Variants in EXOSC9 observed in about 807,000 individuals in gnomAD.
The protein encoded by EXOSC9 is exosome complex component RRP45.
A neutral mutation model predicts 56.5 loss-of-function variants in EXOSC9; 38 were observed. The ratio of observed to expected loss-of-function variants is 0.67; its 90% CI spans 0.52 to 0.88. The LOEUF is 0.88. Among genes scored for constraint, EXOSC9 ranks in the 40% least tolerant of loss-of-function variants. The pLI is 0.00. For missense variants in EXOSC9, 559 were observed against 530.5 expected (o/e 1.05, Z -0.53); for synonymous variants, 170 against 170.8 (o/e 0.99, Z 0.04).
At chr4:121,811,166 T>C (rs151016942) in intron 7 of EXOSC9, among the ~76,000 whole-genome samples, 3 of 152,324 alleles carry the variant, frequency 2.0e-5, no homozygotes, top group African/African-American at 7.2e-5. Context: ...CACCTTGTTG[T>C]TATAAGGATA....
At chr4:121,816,332 C>CTTAACT (rs374211104) in intron 10 of EXOSC9, 37 bp from the exon 11 acceptor site, 1 of 888,564 alleles carries the variant, frequency 1.1e-6, no homozygotes, top group Non-Finnish European at 1.6e-6. Context: ...GATTGCTTAA[C>CTTAACT]TTTTTTTTTT....
chr4:121,814,012 A>C lies in EXOSC9; in HGVS notation c.1121A>C (p.Asp374Ala). ...ATCATTCTTGATGGTATAAAAATGG[A>C]CACTGGAGTAGAAGTCTCTGATATT... ...QAIILDGIKM[D>A]TGVEVSDIGS... The change falls in exon 10 of 12, where the codon GAC becomes GCC. Residue 374 changes from aspartate to alanine, a missense_variant. By Grantham distance (126) the Asp-to-Ala change is moderately radical. Coordinates refer to ENST00000243498, the MANE Select transcript of EXOSC9 (RefSeq NM_005033.3). The C allele has an allele frequency of 6.2e-7, 1 of 1,613,764 alleles. No individual in the cohort carries two copies. The highest frequency in any genetic ancestry group is 8.5e-7 in the Non-Finnish European group (1 of 1,179,800).
At chr4:121,805,534 C>T (rs1274874430) in intron 5 of EXOSC9, among the ~76,000 whole-genome samples, 7 of 152,050 alleles carry the variant, frequency 4.6e-5, no homozygotes, top group Admixed American at 4.6e-4. Flanking sequence ...TAGACTGAAG[C>T]AGAACCATTA....
At chr4:121,804,417 G>T in intron 4 of EXOSC9, 5 of 412,134 alleles carry the variant, frequency 1.2e-5, no homozygotes, top group East Asian at 1.1e-4. Flanking sequence ...TTTAAAGTAT[G>T]TGTTCTGTTG....
At chr4:121,814,973 G>T (rs1724436480) in intron 10 of EXOSC9, 1 of 152,194 alleles carries the variant, frequency 6.6e-6, no homozygotes, top group Non-Finnish European at 1.5e-5. Context: ...AAAATTGAAG[G>T]TGATGTGTTT....
At chr4:121,814,832 AGTT>A (rs1724428180) in intron 10 of EXOSC9, 2 of 152,182 alleles carry the variant, frequency 1.3e-5, no homozygotes, top group Admixed American at 1.3e-4. Context: ...ATAGAACTGA[AGTT>A]GTTATGTATG....
rs1231131839 is a variant in EXOSC9 at position 121,803,027 on chromosome 4, A to G, written c.384+10A>G. 6.4e-7 allele frequency: 1 copy of G among 1,550,650 alleles called. No individual in the cohort carries two copies. The highest frequency in any genetic ancestry group is 1.4e-5 in the African/African-American group (1 of 73,546). On this transcript the variant is annotated intron_variant, in intron 4 of 11. Transcript: ENST00000243498. ...TGTTGCTGGTGAAAAGGTGGGGAAT[A>G]TGCCCATAATTCTTAATCTTAGGAT...
At chr4:121,816,634 A>G in intron 11 of EXOSC9, 138 bp from the exon 12 acceptor site, 1 of 923,880 alleles carries the variant, frequency 1.1e-6, no homozygotes, top group Non-Finnish European at 1.6e-6. Flanking sequence ...TAAATCTATA[A>G]TATAAACTTC....
rs1726878494 is a variant in EXOSC9 at position 121,801,890 on chromosome 4, G to C, written c.130G>C (p.Gly44Arg). The change falls in exon 2 of 12, where the codon GGA becomes CGA. Residue 44 changes from glycine (G) to arginine (R), a missense_variant. By Grantham distance (125) the Gly-to-Arg change is moderately radical. Coordinates refer to ENST00000243498, the MANE Select transcript of EXOSC9 (RefSeq NM_005033.3). ...CAGGATCTCATTTGGAACAGATTAC[G>C]GATGCTGCATTGTGGAACTTGGAAA... ...NIRISFGTDYGCCIVELGKTR... is the reference protein window; with the variant it reads ...NIRISFGTDYRCCIVELGKTR... 3 of 1,613,506 alleles carry C rather than the reference G, an allele frequency of 1.9e-6. No individual in the cohort carries two copies. The highest frequency in any genetic ancestry group is 2.5e-6 in the Non-Finnish European group (3 of 1,179,576).
chr4:121,813,168 C>T lies in EXOSC9; in HGVS notation c.828-66C>T, dbSNP rs1011706281. On this transcript the variant is annotated intron_variant, in intron 8 of 11. Coordinates refer to ENST00000243498, the MANE Select transcript of EXOSC9 (RefSeq NM_005033.3). ...ATAAAATAATAGTTTTTTTCCCTTC[C>T]TGTCTTCTATCCAATCTGTTACCTT... is the stretch of plus-strand genomic sequence containing the variant. The T allele has an allele frequency of 3.5e-6, 5 of 1,425,332 alleles. No homozygotes were observed. The African/African-American group carries it at 4.3e-5, about 12-fold the overall frequency. The allele number at this position is 1,425,332 out of a possible 1,614,324, so 88.3% of individuals were successfully genotyped here. A position where few individuals can be genotyped will look rare whatever the true frequency, so the allele number is the denominator to read the frequency against.
intron 5 of EXOSC9, among the ~76,000 whole-genome samples, chr4:121,805,971 A>G (rs1727010259): frequency 1.3e-5 from 2 of 151,612 alleles, no homozygotes; most frequent in Non-Finnish European, 2.9e-5. Flanking sequence ...CACTTGACTA[A>G]TTTTTGTATT....
At chr4:121,808,586 T>C (rs1370561850) in intron 6 of EXOSC9, among the ~76,000 whole-genome samples, 1 of 152,092 alleles carries the variant, frequency 6.6e-6, no homozygotes, top group Non-Finnish European at 1.5e-5. Context: ...GGTCTGGAAC[T>C]CCTGAGTTCA....
Position 121,813,942 on chromosome 4 carries a change from GA to G in EXOSC9, c.1053del (p.Asp352ThrfsTer20). ...EGVENSWGDLEDSEKEDDEGG... is the reference protein window; with the variant it reads ...EGVENSWGDLXDSEKEDDEGG... Reference sequence around the variant, plus strand: ...AGTAGAAAACTCCTGGGGTGATCTTGAAGACTCTGAGAAGGAAGATGATGAA... The same window carrying G: ...AGTAGAAAACTCCTGGGGTGATCTTGAGACTCTGAGAAGGAAGATGATGAA... On this transcript the variant is annotated frameshift_variant, in exon 10 of 12. Coordinates refer to ENST00000243498, the MANE Select transcript of EXOSC9 (RefSeq NM_005033.3). LOFTEE classifies it high-confidence loss of function. 1 of 1,613,652 alleles carries G rather than the reference GA, an allele frequency of 6.2e-7. No homozygotes were observed. Among genetic ancestry groups the G allele is most frequent in the Non-Finnish European group, 8.5e-7 (1 of 1,179,652 alleles).
rs1727068745 is a variant in EXOSC9 at position 121,807,808 on chromosome 4, T to C, written c.605+186T>C. On this transcript the variant is annotated intron_variant, in intron 6 of 11. Transcript: ENST00000243498. Reference sequence around the variant, plus strand: ...TTTCTCAGTAGAAGTAACAAAACTCTTATACTTTGATGAAGATACTTCCCA... The same window carrying C: ...TTTCTCAGTAGAAGTAACAAAACTCCTATACTTTGATGAAGATACTTCCCA... 5.0e-6 allele frequency: 3 copies of C among 598,750 alleles called. No individual in the cohort carries two copies. The South Asian group carries it at 6.3e-5, about 13-fold the overall frequency. The allele number at this position is 598,750 out of a possible 1,614,324, so 37.1% of individuals were successfully genotyped here.
At chr4:121,803,280 T>C (rs2149034147) in intron 4 of EXOSC9, among the ~76,000 whole-genome samples, 1 of 152,120 alleles carries the variant, frequency 6.6e-6, no homozygotes, top group South Asian at 2.1e-4. Flanking sequence ...AGGGTGAAAA[T>C]AGCAACTTAG....
rs1178588605 is a variant in EXOSC9, at chr4:121,802,760, C to G, written c.248C>G (p.Ser83Cys). Residue 83 changes from serine to cysteine, a missense_variant, in exon 3 of 12, where the codon TCT becomes TGT. Transcript: ENST00000243498. ...EGILFFNLELSQMAAPAFEPG... is the reference protein window; with the variant it reads ...EGILFFNLELCQMAAPAFEPG... Reference sequence around the variant, plus strand: ...ATTCTTTTTTTTAACCTTGAACTCTCTCAGATGGCCGCTCCAGCTTTCGAA... The same window carrying G: ...ATTCTTTTTTTTAACCTTGAACTCTGTCAGATGGCCGCTCCAGCTTTCGAA... The G allele has an allele frequency of 2.6e-5, 42 of 1,614,014 alleles. No homozygotes were observed. Among genetic ancestry groups the G allele is most frequent in the Non-Finnish European group, 3.5e-5 (41 of 1,180,020 alleles).
chr4:121,815,987 T>G (rs1469979877), intron 10 of EXOSC9: 1 of 1,237,720 alleles, frequency 8.1e-7, no homozygotes, highest in Non-Finnish European at 1.0e-6. Context: ...TTTTATTTTT[T>G]GGGATGGAGT....
intron 7 of EXOSC9, among the ~76,000 whole-genome samples, chr4:121,811,017 C>G (rs1050052327): frequency 6.6e-6 from 1 of 152,150 alleles, no homozygotes; most frequent in Admixed American, 6.6e-5. Flanking sequence ...CTCCATATAG[C>G]ATACAGTGTA....
Position 121,804,765 on chromosome 4 carries a change from C to T in EXOSC9, c.522+6C>T, listed in dbSNP as rs1465141091. On this transcript the variant is annotated splice_donor_region_variant and intron_variant, in intron 5 of 11. Coordinates refer to ENST00000243498, the MANE Select transcript of EXOSC9 (RefSeq NM_005033.3). The stretch of plus-strand genomic sequence containing the variant: ...AAGGAGATGAAGTAACACTGGTAAG[C>T]TCCTATGTGAACCAGGATCCTTGAT... 3 of 1,591,440 alleles carry T rather than the reference C, an allele frequency of 1.9e-6. No homozygotes were observed. Among genetic ancestry groups the T allele is most frequent in the African/African-American group, 2.7e-5 (2 of 74,486 alleles).
Sources: allele counts gnomAD v4.1 joint callset (sites outside exome capture counted in the v4.1 genomes callset), GRCh38; gene constraint gnomAD v4.1.1; transcripts MANE v1.5; gene names NCBI Gene and HGNC (gene_info 2026-07-23, HGNC 2026-07-21).